Variants in C5orf46 observed in about 807,000 individuals in gnomAD.
The protein encoded by C5orf46 is chromosome 5 open reading frame 46.
A neutral mutation model predicts 8.9 loss-of-function variants in C5orf46; 9 were observed. That is an observed-to-expected ratio of 1.01 (90% CI 0.61 to 1.76). C5orf46 has a LOEUF of 1.76. Among genes scored for constraint, C5orf46 ranks in the 40% most tolerant of loss-of-function variants. The probability of loss-of-function intolerance (pLI) is 0.00; values close to 1 mark genes in which losing one functional copy is unlikely to be tolerated. For synonymous variants in C5orf46, 47 were observed against 41.4 expected (o/e 1.14, Z -0.52); for missense variants, 98 against 107.8 (o/e 0.91, Z 0.40).
At chr5:147,905,995 T>C (rs1223854501) in intron 1 of C5orf46, among the ~76,000 whole-genome samples, 1 of 152,236 alleles carries the variant, frequency 6.6e-6, no homozygotes, top group Non-Finnish European at 1.5e-5. Flanking sequence ...GAAAGTTAAA[T>C]GTCCCCATTT....
downstream of C5orf46, among the ~76,000 whole-genome samples, chr5:147,889,074 T>C (rs1424591322): frequency 6.6e-6 from 1 of 151,964 alleles, no homozygotes; most frequent in East Asian, 1.9e-4. Flanking sequence ...AAAATATTTA[T>C]ATATAAATAT....
chr5:147,901,571 T>C, intron 2 of C5orf46, 58 bp downstream of exon 2: 1 of 1,527,342 alleles, frequency 6.5e-7, no homozygotes, highest in Non-Finnish European at 9.0e-7. Flanking sequence ...ATGAGGTCAT[T>C]GTGTGGTCAT....
chr5:147,900,279 A>G (rs937214543), intron 2 of C5orf46, among the ~76,000 whole-genome samples: 10 of 152,300 alleles, frequency 6.6e-5, no homozygotes, highest in African/African-American at 2.2e-4. Context: ...TGTGAGTTTT[A>G]ACAATTTGTG....
intron 1 of C5orf46, 123 bp from the exon 2 acceptor site, chr5:147,901,896 T>C: frequency 4.1e-6 from 4 of 973,526 alleles, no homozygotes; most frequent in Non-Finnish European, 6.0e-6. Context: ...TATATGGTTA[T>C]ATTCATCGAA....
At chr5:147,887,209 C>G (rs1033086093) in intron 2 of C5orf46, 1 of 152,060 alleles carries the variant, frequency 6.6e-6, no homozygotes, top group Non-Finnish European at 1.5e-5. Context: ...GCTATTGAGG[C>G]AGATTAAAGA....
At chr5:147,896,366 C>G (rs1269133924) in intron 3 of C5orf46, among the ~76,000 whole-genome samples, 1 of 152,108 alleles carries the variant, frequency 6.6e-6, no homozygotes, top group African/African-American at 2.4e-5. Context: ...ACTACAAGCC[C>G]TTAGTCATTA....
intron 3 of C5orf46, among the ~76,000 whole-genome samples, chr5:147,895,670 A>G (rs1455042583): frequency 6.6e-6 from 1 of 152,174 alleles, no homozygotes; most frequent in East Asian, 1.9e-4. Flanking sequence ...TGTGGGTACC[A>G]AAAATTATAG....
chr5:147,898,182 A>G (rs73263247), intron 2 of C5orf46, among the ~76,000 whole-genome samples: 32,568 of 152,076 alleles, frequency 0.21, 5,970 homozygotes, highest in African/African-American at 0.51. Context: ...GAGAAAAGTG[A>G]AACTTATTAG....
At chr5:147,889,237 C>A (rs1287444205), downstream of C5orf46, among the ~76,000 whole-genome samples, 3 of 151,964 alleles carry the variant, frequency 2.0e-5, no homozygotes, top group Admixed American at 2.0e-4. Context: ...AACTAAATGC[C>A]ATGAGAAATT....
At chr5:147,905,973 A>T (rs190496524) in intron 1 of C5orf46, among the ~76,000 whole-genome samples, 33 of 152,286 alleles carry the variant, frequency 2.2e-4, no homozygotes, top group African/African-American at 7.9e-4. Context: ...AATTTTCATG[A>T]TAACTTTACG....
intron 2 of C5orf46, among the ~76,000 whole-genome samples, chr5:147,899,423 C>G (rs932134094): frequency 4.6e-5 from 7 of 152,176 alleles, no homozygotes; most frequent in African/African-American, 1.7e-4. Context: ...CTACCACCCG[C>G]AGATTTATCT....
intron 2 of C5orf46, 54 bp from the exon 3 acceptor site, chr5:147,897,095 A>T (rs2127127703): frequency 1.2e-6 from 1 of 837,578 alleles, no homozygotes; most frequent in Non-Finnish European, 1.9e-6. Flanking sequence ...CAGGAGTGTT[A>T]GAATGATCAC....
intron 3 of C5orf46, among the ~76,000 whole-genome samples, chr5:147,893,549 G>C (rs1034290397): frequency 6.6e-6 from 1 of 151,050 alleles, no homozygotes. Context: ...CTCCCAAAGT[G>C]CTGGGATTAC....
intron 1 of C5orf46, among the ~76,000 whole-genome samples, chr5:147,902,375 C>CA (rs1310956043): frequency 6.6e-6 from 1 of 152,048 alleles, no homozygotes; most frequent in Non-Finnish European, 1.5e-5. Flanking sequence ...CTCTTGAGCC[C>CA]AGAAGATAGG....
intron 2 of C5orf46, among the ~76,000 whole-genome samples, chr5:147,899,110 C>T (rs1040508427): frequency 6.6e-6 from 1 of 152,178 alleles, no homozygotes; most frequent in African/African-American, 2.4e-5. Context: ...CCTAAGCACA[C>T]TGGACCCATT....
downstream of C5orf46, among the ~76,000 whole-genome samples, chr5:147,887,974 G>A (rs1446046814): frequency 6.6e-6 from 1 of 152,164 alleles, no homozygotes; most frequent in East Asian, 1.9e-4. Flanking sequence ...GTCAAACCAT[G>A]CATTAGGTGT....
chr5:147,901,859 C>A, intron 1 of C5orf46, 86 bp from the exon 2 acceptor site: 1 of 1,430,908 alleles, frequency 7.0e-7, no homozygotes, highest in Non-Finnish European at 9.5e-7. Context: ...GGGATTCTTT[C>A]TGACCCACTC....
downstream of C5orf46, among the ~76,000 whole-genome samples, chr5:147,891,351 TA>T (rs1251819279): frequency 6.6e-6 from 1 of 152,094 alleles, no homozygotes; most frequent in Admixed American, 6.6e-5. Flanking sequence ...ACATGGGTCT[TA>T]TTGGAGGGTA....
At chr5:147,899,081 C>T (rs1409782723) in intron 2 of C5orf46, among the ~76,000 whole-genome samples, 2 of 152,140 alleles carry the variant, frequency 1.3e-5, no homozygotes, top group East Asian at 3.9e-4. Flanking sequence ...TTACATCTTG[C>T]TTTTGCCATA....
Sources: gnomAD v4.1 joint callset for allele counts (sites outside exome capture counted in the v4.1 genomes callset) on GRCh38, gnomAD v4.1.1 for gene constraint, MANE v1.5 for transcripts, NCBI Gene and HGNC (gene_info 2026-07-23, HGNC 2026-07-21) for gene names.